AIG1: variants seen among roughly 807,000 people sequenced by gnomAD.
AIG1 encodes the protein androgen-induced gene 1 protein.
Under a neutral mutation model 31.4 loss-of-function variants are expected in AIG1, and 23 were observed. The observed-to-expected ratio is 0.73, with a 90% confidence interval of 0.53 to 1.04. AIG1 has a LOEUF of 1.04. Among genes scored for constraint, AIG1 ranks in the 50% least tolerant of loss-of-function variants. AIG1 has a pLI of 0.00. For missense variants in AIG1, 274 were observed against 295.0 expected, an observed-to-expected ratio of 0.93 and a Z score of 0.52; for synonymous variants, 100 against 110.5, an observed-to-expected ratio of 0.90 and a Z score of 0.60.
chr6:143,083,932 A>C (rs1452882791), intron 1 of AIG1, among the ~76,000 whole-genome samples: 3 of 152,146 alleles, frequency 2.0e-5, no homozygotes, highest in Non-Finnish European at 4.4e-5. Context: ...CCTCTCTAAC[A>C]AAGGAGTGGG....
At chr6:143,312,416 T>C (rs1775365716) in intron 4 of AIG1, among the ~76,000 whole-genome samples, 1 of 151,868 alleles carries the variant, frequency 6.6e-6, no homozygotes, top group African/African-American at 2.4e-5. Context: ...AGAACTGCAA[T>C]AAACCCATTT....
intron 4 of AIG1, among the ~76,000 whole-genome samples, chr6:143,319,046 C>A (rs907664579): frequency 1.3e-5 from 2 of 152,080 alleles, no homozygotes; most frequent in Admixed American, 1.3e-4. Flanking sequence ...ACTAGTACAA[C>A]CACTATGGAA....
At chr6:143,075,799 C>G (rs566716746) in intron 1 of AIG1, among the ~76,000 whole-genome samples, 1 of 152,088 alleles carries the variant, frequency 6.6e-6, no homozygotes, top group African/African-American at 2.4e-5. Flanking sequence ...TTTAATACAT[C>G]TTATTTTCAT....
intron 1 of AIG1, among the ~76,000 whole-genome samples, chr6:143,132,127 A>G (rs1783297089): frequency 6.6e-6 from 1 of 152,190 alleles, no homozygotes; most frequent in South Asian, 2.1e-4. Context: ...AAATAGTTAT[A>G]TTTTTGCTGT....
intron 1 of AIG1, among the ~76,000 whole-genome samples, chr6:143,081,359 G>A (rs1021840434): frequency 2.0e-5 from 3 of 152,024 alleles, no homozygotes; most frequent in East Asian, 1.9e-4. Context: ...AGGGAAGTCC[G>A]AATCTGGGAA....
At chr6:143,281,853 C>T (rs1161983916) in intron 3 of AIG1, among the ~76,000 whole-genome samples, 3 of 152,200 alleles carry the variant, frequency 2.0e-5, no homozygotes, top group East Asian at 3.8e-4. Context: ...TGCACATGCA[C>T]AGCTAGCCAC....
chr6:143,146,110 T>G (rs1167687798), intron 2 of AIG1, among the ~76,000 whole-genome samples: 2 of 152,150 alleles, frequency 1.3e-5, no homozygotes, highest in African/African-American at 4.8e-5. Context: ...GACAACGGGT[T>G]CAATAAGTAA....
chr6:143,085,315 T>A (rs1778664198), intron 1 of AIG1, among the ~76,000 whole-genome samples: 1 of 152,204 alleles, frequency 6.6e-6, no homozygotes, highest in African/African-American at 2.4e-5. Flanking sequence ...AGGTGTCCTC[T>A]GTGGTCCTAA....
intron 1 of AIG1, among the ~76,000 whole-genome samples, chr6:143,108,219 A>G (rs1182776465): frequency 6.6e-6 from 1 of 152,182 alleles, no homozygotes; most frequent in Admixed American, 6.5e-5. Flanking sequence ...GAAGCACTAG[A>G]CTCAAATCTG....
chr6:143,274,457 C>G (rs2128670239), intron 3 of AIG1, among the ~76,000 whole-genome samples: 1 of 152,290 alleles, frequency 6.6e-6, no homozygotes, highest in East Asian at 1.9e-4. Context: ...TCCTGGCATG[C>G]AATAAATAGA....
chr6:143,096,281 G>A (rs915781701), intron 1 of AIG1, among the ~76,000 whole-genome samples: 11 of 152,108 alleles, frequency 7.2e-5, no homozygotes, highest in African/African-American at 2.7e-4. Context: ...CTACAGAAAT[G>A]CTACTTTAAT....
Position 143,288,706 on chromosome 6 carries a change from G to A in AIG1, c.515+4481G>A, listed in dbSNP as rs1260429148. 6.6e-6 allele frequency among the ~76,000 whole-genome samples: 1 copy of A among 152,184 alleles called. No individual in the cohort carries two copies. Among genetic ancestry groups the A allele is most frequent in the Non-Finnish European group, 1.5e-5 (1 of 68,036 alleles). ...AGGTTTATTCTGAGGCAATACGAGT[G>A]ACCATGGCCCAGGAAACAGTCTCAA... On this transcript the variant is annotated intron_variant, in intron 4 of 5. Transcript: ENST00000357847. The surrounding 1 kb of genome is among the most constrained non-coding windows in gnomAD (Gnocchi z 4.4).
intron 3 of AIG1, among the ~76,000 whole-genome samples, chr6:143,216,188 G>T (rs113248423): frequency 3.3e-5 from 5 of 152,296 alleles, no homozygotes; most frequent in Admixed American, 6.5e-5. Context: ...TCCTTCAGTA[G>T]ACCCTTTCTC....
intron 3 of AIG1, among the ~76,000 whole-genome samples, chr6:143,249,409 C>T (rs1794847177): frequency 6.6e-6 from 1 of 152,148 alleles, no homozygotes; most frequent in Admixed American, 6.5e-5. Flanking sequence ...TTATTATGAA[C>T]CTAGTAGGGG....
chr6:143,199,095 T>C (rs1181121360), intron 3 of AIG1, among the ~76,000 whole-genome samples: 7 of 152,198 alleles, frequency 4.6e-5, no homozygotes, highest in Non-Finnish European at 1.0e-4. Flanking sequence ...GCTAAAAGAA[T>C]CAACAGTTCG....
rs551988353 is a variant in AIG1, at chr6:143,288,194, G to T, written c.515+3969G>T. 1.3e-5 allele frequency among the ~76,000 whole-genome samples: 2 copies of T among 152,108 alleles called. No homozygotes were observed. The highest frequency in any genetic ancestry group is 2.9e-5 in the Non-Finnish European group (2 of 68,024). ...TGTCTCTGCAGTTCTGCTTCTCATT[G>T]CTCTGCCTTTCAGTCTGCAAGATAC... On this transcript the variant is annotated intron_variant, in intron 4 of 5. Coordinates refer to ENST00000357847, the MANE Select transcript of AIG1 (RefSeq NM_016108.4). This position sits in a 1 kb window ranked among gnomAD's most constrained non-coding sequence, Gnocchi z 4.4.
chr6:143,186,180 A>G (rs1002092619), intron 3 of AIG1, among the ~76,000 whole-genome samples: 1 of 152,210 alleles, frequency 6.6e-6, no homozygotes, highest in African/African-American at 2.4e-5. Context: ...ACCTGTCTCC[A>G]TGGAGCCTTG....
intron 3 of AIG1, among the ~76,000 whole-genome samples, chr6:143,181,721 G>A (rs1788737978): frequency 6.6e-6 from 1 of 152,052 alleles, no homozygotes; most frequent in Non-Finnish European, 1.5e-5. Flanking sequence ...AGAAAGACAA[G>A]GAAAACTGGA....
intron 4 of AIG1, among the ~76,000 whole-genome samples, chr6:143,323,140 T>C (rs1234271951): frequency 6.6e-6 from 1 of 152,178 alleles, no homozygotes; most frequent in African/African-American, 2.4e-5. Context: ...CAAATATACG[T>C]AGGCAGGACC....
Sources: allele counts gnomAD v4.1 joint callset (sites outside exome capture counted in the v4.1 genomes callset), GRCh38; gene constraint gnomAD v4.1.1; non-coding constraint Gnocchi (gnomAD v3.1); transcripts MANE v1.5; gene names NCBI Gene and HGNC (gene_info 2026-07-23, HGNC 2026-07-21).